The following ARHGAP24 variants were observed in gnomAD, a reference collection of about 807,000 sequenced individuals.
The protein encoded by ARHGAP24 is Rho GTPase activating protein 24.
In ARHGAP24, 50 loss-of-function variants were observed where a neutral mutation model predicts 76.4. That is an observed-to-expected ratio of 0.65 (90% CI 0.52 to 0.83). The LOEUF is 0.83. Ranked by LOEUF, ARHGAP24 falls within the 40% of genes least tolerant of loss-of-function variation. ARHGAP24 has a pLI of 0.00. For missense variants in ARHGAP24, 930 were observed against 914.2 expected, an observed-to-expected ratio of 1.02 and a Z score of -0.22; for synonymous variants, 345 against 323.3, an observed-to-expected ratio of 1.07 and a Z score of -0.72.
chr4:85,828,025 T>C, intron 3 of ARHGAP24: 1 of 1,233,762 alleles, frequency 8.1e-7, no homozygotes, highest in Non-Finnish European at 1.1e-6. Context: ...TGCCAGGTAT[T>C]GTTGTTGATT....
At chr4:85,607,222 A>G (rs1404715228) in intron 2 of ARHGAP24, among the ~76,000 whole-genome samples, 1 of 152,190 alleles carries the variant, frequency 6.6e-6, no homozygotes, top group African/African-American at 2.4e-5. Context: ...GCCTAAACTG[A>G]ATTAATGAGA....
intron 1 of ARHGAP24, among the ~76,000 whole-genome samples, chr4:85,544,498 G>C (rs1432403076): frequency 6.6e-6 from 1 of 152,058 alleles, no homozygotes; most frequent in Non-Finnish European, 1.5e-5. Context: ...AAAAACTTCA[G>C]CATCTAGATC....
intron 1 of ARHGAP24, among the ~76,000 whole-genome samples, chr4:85,547,718 GA>G (rs1560527667): frequency 2.0e-5 from 3 of 152,176 alleles, no homozygotes; most frequent in African/African-American, 7.2e-5. Context: ...TTACAGGCTT[GA>G]GCCACTGTGC....
intron 3 of ARHGAP24, among the ~76,000 whole-genome samples, chr4:85,744,074 A>C (rs996801496): frequency 3.3e-5 from 5 of 152,206 alleles, no homozygotes; most frequent in African/African-American, 1.2e-4. Context: ...ATTCTTTTTA[A>C]GGAATTCATC....
In ARHGAP24 at chr4:85,994,847, G is replaced by A; in HGVS notation, c.1193G>A (p.Ser398Asn). 1 of 1,614,132 alleles carries A rather than the reference G, an allele frequency of 6.2e-7. No individual in the cohort carries two copies. The highest frequency in any genetic ancestry group is 1.1e-5 in the South Asian group (1 of 91,072). ...NNGSPTALSG[S>N]KTNSPKNSVH... ...GGATCCCCCACAGCTCTATCAGGCA[G>A]CAAAACCAACAGCCCAAAGAACAGT... Residue 398 changes from serine to asparagine, a missense_variant, in exon 9 of 10, where the codon AGC (serine) becomes AAC (asparagine). Transcript: ENST00000395184.
chr4:85,804,184 C>CA (rs1728696022), intron 3 of ARHGAP24, among the ~76,000 whole-genome samples: 1 of 151,964 alleles, frequency 6.6e-6, no homozygotes, highest in South Asian at 2.1e-4. Flanking sequence ...GGAAAATCTC[C>CA]AAAATTTTGT....
At chr4:85,893,794 T>C (rs1260227552) in intron 3 of ARHGAP24, among the ~76,000 whole-genome samples, 1 of 151,510 alleles carries the variant, frequency 6.6e-6, no homozygotes, top group East Asian at 1.9e-4. Context: ...TTCATGTCCT[T>C]TGTAGGGACA....
At chr4:85,488,344 G>A (rs1025480914) in intron 1 of ARHGAP24, among the ~76,000 whole-genome samples, 1 of 152,028 alleles carries the variant, frequency 6.6e-6, no homozygotes, top group Non-Finnish European at 1.5e-5. Context: ...TAGAGGAGAA[G>A]AATAAAATTA....
At chr4:85,998,425 T>G (rs1740808753) in intron 9 of ARHGAP24, among the ~76,000 whole-genome samples, 1 of 152,158 alleles carries the variant, frequency 6.6e-6, no homozygotes, top group African/African-American at 2.4e-5. Flanking sequence ...CTTCCTGATA[T>G]GTCTTTTCCT....
intron 3 of ARHGAP24, among the ~76,000 whole-genome samples, chr4:85,803,953 T>C (rs1038711423): frequency 6.7e-6 from 1 of 149,356 alleles, no homozygotes; most frequent in Admixed American, 6.8e-5. Flanking sequence ...TTTTTCTTTT[T>C]CTTTTTTTTT....
chr4:85,676,264 T>C (rs182027055), intron 2 of ARHGAP24, among the ~76,000 whole-genome samples: 1 of 152,314 alleles, frequency 6.6e-6, no homozygotes, highest in East Asian at 1.9e-4. Flanking sequence ...GCCACCTGTT[T>C]AAGCTTTTAA....
At chr4:85,898,581 T>C (rs17011153) in intron 3 of ARHGAP24, among the ~76,000 whole-genome samples, 2,072 of 152,282 alleles carry the variant, frequency 0.014, 41 homozygotes, top group African/African-American at 0.045. Flanking sequence ...GCTGTGAGCA[T>C]GAGTTAAGAC....
intron 5 of ARHGAP24, among the ~76,000 whole-genome samples, chr4:85,970,069 A>T (rs1423146052): frequency 6.6e-6 from 1 of 152,130 alleles, no homozygotes; most frequent in Non-Finnish European, 1.5e-5. Context: ...GCTCTGAGAG[A>T]CCCCAATGTC....
At chr4:85,728,063 A>C (rs1247361170) in intron 3 of ARHGAP24, among the ~76,000 whole-genome samples, 1 of 152,098 alleles carries the variant, frequency 6.6e-6, no homozygotes, top group Admixed American at 6.5e-5. Context: ...CCACAACTAT[A>C]CTAATTATTT....
chr4:85,704,354 T>G (rs1724217747), intron 2 of ARHGAP24, among the ~76,000 whole-genome samples: 1 of 152,182 alleles, frequency 6.6e-6, no homozygotes, highest in African/African-American at 2.4e-5. Flanking sequence ...CTAAAAATGC[T>G]TATGAGAATG....
intron 1 of ARHGAP24, among the ~76,000 whole-genome samples, chr4:85,522,186 G>C (rs182760095): frequency 1.8e-4 from 27 of 152,114 alleles, no homozygotes; most frequent in African/African-American, 6.0e-4. Flanking sequence ...AGATAAGCCT[G>C]GAAAATAAAA....
chr4:85,969,561 G>A (rs1042800062), intron 5 of ARHGAP24, among the ~76,000 whole-genome samples: 8 of 152,126 alleles, frequency 5.3e-5, no homozygotes, highest in African/African-American at 1.9e-4. Flanking sequence ...TCTGAGTCAT[G>A]ATGGTAGATT....
chr4:85,898,764 T>C (rs1222593452), intron 3 of ARHGAP24, among the ~76,000 whole-genome samples: 3 of 152,170 alleles, frequency 2.0e-5, no homozygotes, highest in African/African-American at 7.2e-5. Flanking sequence ...TTTCTTTTTT[T>C]GAGGAGTTTT....
chr4:85,533,869 T>G (rs143323154), intron 1 of ARHGAP24, among the ~76,000 whole-genome samples: 3 of 152,312 alleles, frequency 2.0e-5, no homozygotes, highest in African/African-American at 7.2e-5. Context: ...CCTAGAAAGA[T>G]TCTAACAAAA....
Sources: gnomAD v4.1 joint callset for allele counts (sites outside exome capture counted in the v4.1 genomes callset) on GRCh38, gnomAD v4.1.1 for gene constraint, MANE v1.5 for transcripts, NCBI Gene and HGNC (gene_info 2026-07-23, HGNC 2026-07-21) for gene names.